Variants in SCTR observed in about 807,000 individuals in gnomAD.
The protein encoded by SCTR is secretin receptor.
In SCTR, 56 loss-of-function variants were observed where a neutral mutation model predicts 60.8. The ratio of observed to expected loss-of-function variants is 0.92; its 90% CI spans 0.74 to 1.15. The LOEUF is 1.15. SCTR is among the 50% of genes most tolerant of loss of function. The pLI, the probability that SCTR is intolerant of heterozygous loss-of-function variation, is 0.00. For missense variants in SCTR, 562 were observed against 550.4 expected (o/e 1.02, Z -0.21); for synonymous variants, 202 against 217.0 (o/e 0.93, Z 0.61).
intron 2 of SCTR, 168 bp from the exon 3 acceptor site, chr2:119,479,086 G>A (rs1677479086): frequency 1.4e-6 from 2 of 1,448,978 alleles, no homozygotes; most frequent in East Asian, 2.5e-5. Context: ...CCTGTCTAAT[G>A]CACCCTTGGA....
chr2:119,449,287 G>GA (rs1343923927), intron 9 of SCTR, among the ~76,000 whole-genome samples: 1 of 152,328 alleles, frequency 6.6e-6, no homozygotes, highest in East Asian at 1.9e-4. Context: ...AGGTGATGCT[G>GA]AAGCTGCTGG....
At chr2:119,456,830 A>G (rs1398480779) in intron 7 of SCTR, among the ~76,000 whole-genome samples, 1 of 152,206 alleles carries the variant, frequency 6.6e-6, no homozygotes, top group East Asian at 1.9e-4. Context: ...AGAGACACAC[A>G]GAGAGAGAAG....
intron 7 of SCTR, among the ~76,000 whole-genome samples, chr2:119,453,617 A>G (rs918212284): frequency 6.6e-6 from 1 of 152,222 alleles, no homozygotes; most frequent in Admixed American, 6.5e-5. Flanking sequence ...AACCCAGGCC[A>G]GACTCCAGAG....
rs771359059 is a variant in SCTR at position 119,440,103 on chromosome 2, C to A, written c.*14G>T. 13 of 1,611,864 alleles carry A rather than the reference C, an allele frequency of 8.1e-6. No individual in the cohort carries two copies. The Middle Eastern group carries it at 5.2e-4, about 65-fold the overall frequency. On this transcript the variant is annotated 3_prime_UTR_variant, in exon 13 of 13. Coordinates refer to ENST00000019103, the MANE Select transcript of SCTR (RefSeq NM_002980.3). ...CTCTTGGTCTCTGTCCGTGGGTGAC[C>A]CTGCTCCAGCCTCTCAGATGATGCT...
At chr2:119,468,456 C>A (rs1683928857) in intron 4 of SCTR, among the ~76,000 whole-genome samples, 1 of 152,200 alleles carries the variant, frequency 6.6e-6, no homozygotes, top group South Asian at 2.1e-4. Context: ...CTTCTTTGAG[C>A]CTCAGATTCC....
chr2:119,516,215 G>C (rs1679111252), intron 1 of SCTR, among the ~76,000 whole-genome samples: 1 of 152,162 alleles, frequency 6.6e-6, no homozygotes, highest in Non-Finnish European at 1.5e-5. Context: ...CACACTTCTG[G>C]TCATAAACCC....
chr2:119,457,627 C>T (rs1225116113), intron 7 of SCTR, among the ~76,000 whole-genome samples: 2 of 152,096 alleles, frequency 1.3e-5, no homozygotes, highest in East Asian at 3.9e-4. Context: ...CCAGGAGGAT[C>T]GCTTGAGCCC....
At chr2:119,514,881 G>GA (rs949281224) in intron 1 of SCTR, among the ~76,000 whole-genome samples, 20 of 147,224 alleles carry the variant, frequency 1.4e-4, no homozygotes, top group African/African-American at 3.7e-4. Context: ...TGTCTCAAAA[G>GA]AAAAAAAAAA....
chr2:119,470,752 G>A (rs1347452069), intron 4 of SCTR, among the ~76,000 whole-genome samples: 2 of 152,214 alleles, frequency 1.3e-5, no homozygotes, highest in East Asian at 3.9e-4. Flanking sequence ...CCAGGCTGGA[G>A]CGCAGTGGCG....
intron 11 of SCTR, among the ~76,000 whole-genome samples, chr2:119,442,283 G>A (rs996885552): frequency 6.6e-6 from 1 of 152,150 alleles, no homozygotes; most frequent in Non-Finnish European, 1.5e-5. Flanking sequence ...TCAGGGGAGG[G>A]ACTCCAGGCT....
intron 1 of SCTR, among the ~76,000 whole-genome samples, chr2:119,504,121 C>A (rs1356067688): frequency 6.6e-6 from 1 of 152,134 alleles, no homozygotes; most frequent in Non-Finnish European, 1.5e-5. Context: ...TAAATATGCA[C>A]AACCAATTAC....
intron 1 of SCTR, among the ~76,000 whole-genome samples, chr2:119,506,019 G>A (rs1167607004): frequency 2.6e-5 from 4 of 152,142 alleles, no homozygotes; most frequent in African/African-American, 7.2e-5. Flanking sequence ...CCCAATGCTG[G>A]CAAGGTCACA....
chr2:119,524,289 G>A lies in SCTR; in HGVS notation c.-63C>T. 8.8e-7 allele frequency: 1 copy of A among 1,142,416 alleles called. No homozygotes were observed. The allele number at this position is 1,142,416 out of a possible 1,614,324, so 70.8% of individuals were successfully genotyped here. A position where few individuals can be genotyped will look rare whatever the true frequency, so the allele number is the denominator to read the frequency against. On this transcript the variant is annotated 5_prime_UTR_variant, in exon 1 of 13. Transcript: ENST00000019103. ...CCTGCCCGTGCCCTCTGCCCGCTCG[G>A]GAGCTCAGCGCCCCGCGCAGGGTCC...
At chr2:119,501,366 T>C (rs1389144350) in intron 1 of SCTR, among the ~76,000 whole-genome samples, 1 of 150,486 alleles carries the variant, frequency 6.6e-6, no homozygotes, top group Non-Finnish European at 1.5e-5. Context: ...GCCGAGATCA[T>C]GCCACTGCAC....
chr2:119,479,949 C>A (rs922598281), intron 2 of SCTR: 3 of 152,202 alleles, frequency 2.0e-5, no homozygotes, highest in African/African-American at 7.2e-5. Context: ...CTAAGCACAG[C>A]CTTCTGGATT....
At position 119,464,071 on chromosome 2, in the gene SCTR, C is replaced by T; in HGVS notation, c.636+52G>A. The T allele has an allele frequency of 1.9e-6, 3 of 1,602,590 alleles. No homozygotes were observed. In the South Asian group the frequency reaches 3.3e-5, roughly 18 times the overall value. Reference sequence around the variant, plus strand: ...GGCTACTCCCCTCTCCAAAGCTAGGCTGGGGAAGGCAGGCGGGCCTGGCGA... The same window carrying T: ...GGCTACTCCCCTCTCCAAAGCTAGGTTGGGGAAGGCAGGCGGGCCTGGCGA... On this transcript the variant is annotated intron_variant, in intron 6 of 12. Coordinates refer to ENST00000019103, the MANE Select transcript of SCTR (RefSeq NM_002980.3).
intron 4 of SCTR, among the ~76,000 whole-genome samples, chr2:119,469,447 A>C (rs1454651505): frequency 6.6e-6 from 1 of 151,966 alleles, no homozygotes; most frequent in Non-Finnish European, 1.5e-5. Flanking sequence ...ACCCAGAAAC[A>C]GCCTTGCTCC....
At chr2:119,460,103 C>A (rs113304354) in intron 7 of SCTR, among the ~76,000 whole-genome samples, 78 of 151,860 alleles carry the variant, frequency 5.1e-4, no homozygotes, top group Middle Eastern at 6.8e-3. Flanking sequence ...CAGGAGGGCT[C>A]AGCAAGCAGG....
At position 119,465,866 on chromosome 2, in the gene SCTR, C is replaced by T; in HGVS notation, c.426G>A (p.Leu142=). The T allele has an allele frequency of 6.2e-7, 1 of 1,613,906 alleles. No homozygotes were observed. The highest frequency in any genetic ancestry group is 8.5e-7 in the Non-Finnish European group (1 of 1,179,796). The stretch of plus-strand genomic sequence containing the variant: ...TGTAGCCCACGGTGTACATGACTTT[C>T]AGCTTCAGCAGGTAGGAGTGCTGCA... The part of the protein sequence containing the change: ...NEKRHSYLLK[L]KVMYTVGYSS... Residue 142 remains leucine (L), a synonymous_variant, in exon 5 of 13, where the codon CTG becomes CTA. Coordinates refer to ENST00000019103, the MANE Select transcript of SCTR (RefSeq NM_002980.3).
Sources: gnomAD v4.1 joint callset for allele counts (sites outside exome capture counted in the v4.1 genomes callset) on GRCh38, gnomAD v4.1.1 for gene constraint, MANE v1.5 for transcripts, NCBI Gene and HGNC (gene_info 2026-07-23, HGNC 2026-07-21) for gene names.